UBE2W: variants seen among roughly 807,000 people sequenced by gnomAD.
The protein encoded by UBE2W is ubiquitin-conjugating enzyme E2 W.
A neutral mutation model predicts 27.2 loss-of-function variants in UBE2W; 18 were observed. That is an observed-to-expected ratio of 0.66 (90% CI 0.46 to 0.98). UBE2W has a LOEUF of 0.98. Ranked by LOEUF, UBE2W falls within the 50% of genes least tolerant of loss-of-function variation. UBE2W has a pLI of 0.00. For missense variants in UBE2W, 90 were observed against 180.2 expected (o/e 0.50, Z 2.87); for synonymous variants, 53 against 57.2 (o/e 0.93, Z 0.33).
intron 1 of UBE2W, among the ~76,000 whole-genome samples, chr8:73,867,177 G>C (rs1247586677): frequency 2.0e-5 from 3 of 152,090 alleles, no homozygotes. Context: ...GCAGTGGGTG[G>C]ATCACTTAAG....
At chr8:73,815,381 AAAC>A (rs1809343440) in intron 3 of UBE2W, among the ~76,000 whole-genome samples, 1 of 152,204 alleles carries the variant, frequency 6.6e-6, no homozygotes, top group Non-Finnish European at 1.5e-5. Context: ...CTTGGAAAAA[AAAC>A]AAAAAACAAA....
At chr8:73,799,372 T>C (rs149927835) in intron 5 of UBE2W, among the ~76,000 whole-genome samples, 10 of 152,218 alleles carry the variant, frequency 6.6e-5, no homozygotes, top group South Asian at 2.1e-4. Flanking sequence ...AGAGGTCTCT[T>C]CCAAGAACTT....
In UBE2W at chr8:73,791,685, A is replaced by C; in HGVS notation, c.*2417T>G. On this transcript the variant is annotated 3_prime_UTR_variant, in exon 6 of 6. Transcript: ENST00000602593. Reference sequence around the variant, plus strand: ...TAAATCTAAGTGCAAGGAGTTTTCAATGATTCCTAAATTCAAGAGAGTGTT... The same window carrying C: ...TAAATCTAAGTGCAAGGAGTTTTCACTGATTCCTAAATTCAAGAGAGTGTT... The C allele has an allele frequency of 2.0e-6, 2 of 985,218 alleles. No homozygotes were observed. Among genetic ancestry groups the C allele is most frequent in the Non-Finnish European group, 2.4e-6 (2 of 829,746 alleles). 61.0% of individuals were successfully genotyped at this position (985,218 alleles called of 1,614,324 possible). A position where few individuals can be genotyped will look rare whatever the true frequency, so the allele number is the denominator to read the frequency against.
chr8:73,847,709 C>G (rs1428929771), intron 1 of UBE2W, among the ~76,000 whole-genome samples: 2 of 152,048 alleles, frequency 1.3e-5, no homozygotes, highest in Non-Finnish European at 2.9e-5. Flanking sequence ...CAAGACCAGC[C>G]TGGCCAACGT....
intron 1 of UBE2W, among the ~76,000 whole-genome samples, chr8:73,853,577 A>T (rs1811165344): frequency 6.6e-6 from 1 of 152,188 alleles, no homozygotes; most frequent in Non-Finnish European, 1.5e-5. Flanking sequence ...AATATATTTA[A>T]TTGGAAACTC....
intron 3 of UBE2W, among the ~76,000 whole-genome samples, chr8:73,814,861 C>T (rs1809323669): frequency 6.6e-6 from 1 of 152,126 alleles, no homozygotes; most frequent in Non-Finnish European, 1.5e-5. Context: ...CAAACATCTC[C>T]CGAGCAGTAT....
intron 4 of UBE2W, among the ~76,000 whole-genome samples, chr8:73,806,086 C>T (rs1157280874): frequency 1.3e-5 from 2 of 151,884 alleles, no homozygotes; most frequent in Non-Finnish European, 2.9e-5. Flanking sequence ...ACCCGGGAGG[C>T]AGAGGTTGCA....
intron 1 of UBE2W, among the ~76,000 whole-genome samples, chr8:73,850,072 G>C (rs976127618): frequency 6.6e-6 from 1 of 152,004 alleles, no homozygotes; most frequent in African/African-American, 2.4e-5. Flanking sequence ...AACAGCTCAA[G>C]CAGACCAAAA....
chr8:73,819,970 GA>G (rs1809541009), intron 3 of UBE2W, among the ~76,000 whole-genome samples: 1 of 152,196 alleles, frequency 6.6e-6, no homozygotes, highest in Admixed American at 6.5e-5. Context: ...ATAGAAAGAT[GA>G]AAGACTTTTC....
At chr8:73,811,377 C>A (rs959885793) in intron 3 of UBE2W, among the ~76,000 whole-genome samples, 2 of 152,058 alleles carry the variant, frequency 1.3e-5, no homozygotes, top group Admixed American at 6.6e-5. Context: ...CAACAAATAT[C>A]TTAAAGTAGT....
chr8:73,788,685 A>AT lies in UBE2W; in HGVS notation c.*5416dup. ...ACCAGAAAATCTGACAAGTGATGTCATTTTGAAATCATGCTTTTGCCTTTG... is the reference window on the plus strand; with the variant it reads ...ACCAGAAAATCTGACAAGTGATGTCATTTTTGAAATCATGCTTTTGCCTTTG... On this transcript the variant is annotated 3_prime_UTR_variant, in exon 6 of 6. Coordinates refer to ENST00000602593, the MANE Select transcript of UBE2W (RefSeq NM_018299.6). The AT allele has an allele frequency of 2.0e-6, 2 of 985,462 alleles. No individual in the cohort carries two copies. Among genetic ancestry groups the AT allele is most frequent in the Non-Finnish European group, 2.4e-6 (2 of 829,932 alleles). The allele number at this position is 985,462 out of a possible 1,614,324, so 61.0% of individuals were successfully genotyped here.
At chr8:73,781,727 A>G (rs1807849294), downstream of UBE2W, among the ~76,000 whole-genome samples, 1 of 151,318 alleles carries the variant, frequency 6.6e-6, no homozygotes, top group Non-Finnish European at 1.5e-5. Flanking sequence ...CCACATGTGC[A>G]GACCACCATG....
chr8:73,872,986 G>A (rs987275193), intron 1 of UBE2W, among the ~76,000 whole-genome samples: 4 of 149,962 alleles, frequency 2.7e-5, no homozygotes, highest in Non-Finnish European at 4.4e-5. Flanking sequence ...ACTGCAAGGC[G>A]CCTCCGCCTC....
At chr8:73,783,205 T>C (rs1807873807), downstream of UBE2W, among the ~76,000 whole-genome samples, 1 of 152,202 alleles carries the variant, frequency 6.6e-6, no homozygotes, top group African/African-American at 2.4e-5. Context: ...GTTTTCATAG[T>C]TTGTCTTTTG....
intron 1 of UBE2W, among the ~76,000 whole-genome samples, chr8:73,853,351 C>A (rs1240235288): frequency 1.3e-5 from 2 of 152,168 alleles, no homozygotes; most frequent in Non-Finnish European, 2.9e-5. Context: ...TACAGTGGTA[C>A]AATCATAGCT....
intron 2 of UBE2W, among the ~76,000 whole-genome samples, chr8:73,826,548 T>C (rs1809842749): frequency 6.6e-6 from 1 of 152,216 alleles, no homozygotes; most frequent in Admixed American, 6.5e-5. Context: ...ATGTACCTAT[T>C]CTCTAAAAGA....
chr8:73,810,341 C>G, intron 4 of UBE2W, 133 bp downstream of exon 4: 1 of 924,104 alleles, frequency 1.1e-6, no homozygotes, highest in Non-Finnish European at 1.5e-6. Flanking sequence ...TATTACTAAA[C>G]ATGAAATTCC....
intron 1 of UBE2W, among the ~76,000 whole-genome samples, chr8:73,853,477 A>C (rs756444726): frequency 1.3e-5 from 2 of 152,068 alleles, no homozygotes; most frequent in Admixed American, 6.6e-5. Flanking sequence ...CCAGGTTTGG[A>C]ATTTAACTCC....
At position 73,794,255 on chromosome 8, in the gene UBE2W, G is replaced by C. The variant is rs934584851; in HGVS notation, c.443-140C>G. 38 of 1,003,078 alleles carry C rather than the reference G, an allele frequency of 3.8e-5. No individual in the cohort carries two copies. In the African/African-American group the frequency reaches 6.1e-4, roughly 16 times the overall value. 62.1% of individuals were successfully genotyped at this position (1,003,078 alleles called of 1,614,324 possible). A position where few individuals can be genotyped will look rare whatever the true frequency, so the allele number is the denominator to read the frequency against. ...TCTGATCTGCCTCCCCCAAACCTGT[G>C]AATACAAAGTGCAATATATGTTCAA... is the stretch of plus-strand genomic sequence containing the variant. On this transcript the variant is annotated intron_variant, in intron 5 of 5. Transcript: ENST00000602593.
Sources: gnomAD v4.1 joint callset for allele counts (sites outside exome capture counted in the v4.1 genomes callset) on GRCh38, gnomAD v4.1.1 for gene constraint, MANE v1.5 for transcripts, NCBI Gene and HGNC (gene_info 2026-07-23, HGNC 2026-07-21) for gene names.